Variants in ANKRD30B observed in about 807,000 individuals in gnomAD.
ANKRD30B encodes ankyrin repeat domain-containing protein 30B.
ANKRD30B carries 144 observed loss-of-function variants against 202.2 expected under a neutral mutation model. That is an observed-to-expected ratio of 0.71 (90% CI 0.62 to 0.82). ANKRD30B has a LOEUF of 0.82. ANKRD30B is among the 40% of genes least tolerant of loss of function. The pLI is 0.00. For missense variants in ANKRD30B, 1,487 were observed against 1,669.1 expected, an observed-to-expected ratio of 0.89 and a Z score of 1.90; for synonymous variants, 508 against 561.3, an observed-to-expected ratio of 0.91 and a Z score of 1.34.
chr18:14,790,567 A>G (rs1438674193), intron 15 of ANKRD30B, among the ~76,000 whole-genome samples: 1 of 152,128 alleles, frequency 6.6e-6, no homozygotes, highest in Non-Finnish European at 1.5e-5. Flanking sequence ...ACGTCCCATC[A>G]ATACCTAATT....
chr18:14,750,268 A>G (rs747095436), intron 1 of ANKRD30B, among the ~76,000 whole-genome samples: 1 of 152,134 alleles, frequency 6.6e-6, no homozygotes, highest in Non-Finnish European at 1.5e-5. Context: ...AAAATTGGGC[A>G]ATTTAAGTTA....
At chr18:14,870,872 G>T in the ANKRD30B span, among the ~76,000 whole-genome samples, 2 of 152,030 alleles carry the variant, frequency 1.3e-5, no homozygotes, top group Non-Finnish European at 2.9e-5. Flanking sequence ...CACCTGCCTG[G>T]CTTCTGTCCC....
the ANKRD30B span, among the ~76,000 whole-genome samples, chr18:14,928,098 G>C: frequency 1.3e-5 from 2 of 152,076 alleles, no homozygotes; most frequent in African/African-American, 4.8e-5. Context: ...TTCCTGAGTA[G>C]CTGGGATTAC....
At chr18:14,868,288 G>A in the ANKRD30B span, among the ~76,000 whole-genome samples, 1 of 152,300 alleles carries the variant, frequency 6.6e-6, no homozygotes. Flanking sequence ...GATGGTGGAG[G>A]TGCAGCCAGG....
At chr18:14,831,505 G>A in intron 34 of ANKRD30B, 50 bp downstream of exon 34, 2 of 996,354 alleles carry the variant, frequency 2.0e-6, no homozygotes, top group Non-Finnish European at 3.0e-6. Context: ...ATCTAATTCT[G>A]TATAGTATTT....
chr18:14,798,741 T>C (rs1321214518), intron 20 of ANKRD30B, among the ~76,000 whole-genome samples: 2 of 152,166 alleles, frequency 1.3e-5, no homozygotes, highest in Admixed American at 6.5e-5. Flanking sequence ...ACCTTGGTGA[T>C]GTGAAACCTC....
chr18:14,873,635 A>T, the ANKRD30B span, among the ~76,000 whole-genome samples: 3 of 152,030 alleles, frequency 2.0e-5, no homozygotes, highest in African/African-American at 7.2e-5. Flanking sequence ...AAATTGTTTC[A>T]GTTCTCTAAA....
In ANKRD30B at chr18:14,748,470, C is replaced by T; in HGVS notation, c.51C>T (p.Pro17=). The T allele has an allele frequency of 6.5e-7, 1 of 1,544,898 alleles. No homozygotes were observed. The highest frequency in any genetic ancestry group is 8.7e-7 in the Non-Finnish European group (1 of 1,143,148). ...AAGKGVRGPE[P]PNPFSERVYT... is the part of the protein sequence containing the mutation. Reference sequence around the variant, plus strand: ...GCAAGGGCGTGCGGGGCCCGGAGCCCCCGAACCCCTTCAGCGAACGGGTCT... The same window carrying T: ...GCAAGGGCGTGCGGGGCCCGGAGCCTCCGAACCCCTTCAGCGAACGGGTCT... Residue 17 remains proline, a synonymous_variant, in exon 1 of 44, where the codon CCC becomes CCT. Coordinates refer to ENST00000690538, the MANE Select transcript of ANKRD30B (RefSeq NM_001367607.2).
At chr18:14,779,549 G>A (rs1568001963) in intron 10 of ANKRD30B, among the ~76,000 whole-genome samples, 1 of 152,014 alleles carries the variant, frequency 6.6e-6, no homozygotes, top group Non-Finnish European at 1.5e-5. Flanking sequence ...GTTTTTTGAA[G>A]AACTGTGTAA....
chr18:14,798,758 G>A (rs1031305774), intron 20 of ANKRD30B, among the ~76,000 whole-genome samples: 5 of 152,074 alleles, frequency 3.3e-5, no homozygotes, highest in Non-Finnish European at 5.9e-5. Flanking sequence ...CCTCCCTGAC[G>A]GCACATCCAT....
intron 1 of ANKRD30B, among the ~76,000 whole-genome samples, chr18:14,749,866 G>A (rs924706746): frequency 6.6e-6 from 1 of 151,558 alleles, no homozygotes; most frequent in African/African-American, 2.4e-5. Context: ...TTAGGAATAT[G>A]AATTATTAGG....
chr18:14,826,303 T>C (rs1324937461), intron 32 of ANKRD30B, among the ~76,000 whole-genome samples: 2 of 152,228 alleles, frequency 1.3e-5, no homozygotes, highest in African/African-American at 4.8e-5. Flanking sequence ...GAAAGTGATG[T>C]TGCAAATTTC....
chr18:14,940,644 G>A, the ANKRD30B span, among the ~76,000 whole-genome samples: 1 of 152,126 alleles, frequency 6.6e-6, no homozygotes, highest in Non-Finnish European at 1.5e-5. Context: ...TCATATAAAT[G>A]ATAAAGAAGG....
chr18:14,934,778 T>A, the ANKRD30B span, among the ~76,000 whole-genome samples: 1 of 152,102 alleles, frequency 6.6e-6, no homozygotes, highest in African/African-American at 2.4e-5. Context: ...ACAGAAGGCA[T>A]CTGGGAGCAG....
chr18:14,881,296 C>A, the ANKRD30B span, among the ~76,000 whole-genome samples: 1 of 152,192 alleles, frequency 6.6e-6, no homozygotes, highest in African/African-American at 2.4e-5. Context: ...AATCATAAAG[C>A]AATGCTAGAT....
the ANKRD30B span, among the ~76,000 whole-genome samples, chr18:14,903,334 T>C: frequency 1.5e-3 from 229 of 152,312 alleles, no homozygotes; most frequent in South Asian, 2.5e-3. Flanking sequence ...GGGGCCCAGA[T>C]ACTTGTATAG....
At position 14,837,620 on chromosome 18, in the gene ANKRD30B, A is replaced by T. The variant is rs1971236099; in HGVS notation, c.2932A>T (p.Met978Leu). The T allele has an allele frequency of 1.3e-6, 2 of 1,531,316 alleles. No individual in the cohort carries two copies. Among genetic ancestry groups the T allele is most frequent in the East Asian group, 2.5e-5 (1 of 40,724 alleles). The allele number at this position is 1,531,316 out of a possible 1,614,324, so 94.9% of individuals were successfully genotyped here. The change falls in exon 36 of 44, where the codon ATG becomes TTG. Residue 978 changes from methionine to leucine, a missense_variant. Met to Leu is a conservative substitution (Grantham distance 15). This residue lies in a region of ANKRD30B where 218 missense variants were observed against 320.1 expected (regional missense o/e 0.68). Transcript: ENST00000690538. ...CTGTGAATAACATTTTGTAGATAAG[A>T]TGCCCACATCAGAATTAGGAAGAAA... ...ERAPQDQTNK[M>L]PTSELGRKED...
chr18:14,860,051 G>T, the ANKRD30B span, among the ~76,000 whole-genome samples: 2 of 146,812 alleles, frequency 1.4e-5, no homozygotes, highest in East Asian at 4.2e-4. Context: ...AGGGTGGCCG[G>T]GCAGAGGCGC....
At chr18:14,777,959 T>A in intron 9 of ANKRD30B, 26 bp from the exon 10 acceptor site, 1 of 1,490,970 alleles carries the variant, frequency 6.7e-7, no homozygotes, top group Non-Finnish European at 9.1e-7. Flanking sequence ...AAAAGACAAA[T>A]TATTTATTGG....
Sources: allele counts gnomAD v4.1 joint callset (sites outside exome capture counted in the v4.1 genomes callset), GRCh38; gene constraint gnomAD v4.1.1; regional missense constraint gnomAD v4.1.1; transcripts MANE v1.5; gene names NCBI Gene and HGNC (gene_info 2026-07-23, HGNC 2026-07-21).